The following DMD variants were observed in gnomAD, a reference collection of about 807,000 sequenced individuals.
The protein encoded by DMD is mutant dystrophin.
A neutral mutation model predicts 330.1 loss-of-function variants in DMD; 63 were observed. That is an observed-to-expected ratio of 0.19 (90% CI 0.16 to 0.24). DMD has a LOEUF of 0.24. Ranked by LOEUF, DMD falls within the 10% of genes least tolerant of loss-of-function variation. DMD has a pLI of 1.00. For synonymous variants in DMD, 1,223 were observed against 959.8 expected (o/e 1.27, Z -5.07); for missense variants, 3,344 against 2,684.1 (o/e 1.25, Z -5.43).
At chrX:32,353,449 T>C (rs1032905841) in intron 37 of DMD, among the ~76,000 whole-genome samples, 3 of 111,701 alleles carry the variant, frequency 2.7e-5, no homozygotes, top group Non-Finnish European at 5.7e-5. Context: ...AGAATTATGA[T>C]AAATTGTCTA....
rs181796838 is a variant in DMD at position 33,064,821 on chromosome X, G to A, written c.32-44621C>T. On this transcript the variant is annotated intron_variant, in intron 1 of 78. Coordinates refer to ENST00000357033, the MANE Select transcript of DMD (RefSeq NM_004006.3). ...GGAGAATTGCTTGAACTTCAGAGGC[G>A]GAGGTTGCAGTGAGCCAAGATCGCG... is the stretch of plus-strand genomic sequence containing the variant. 8.6e-3 allele frequency among the ~76,000 whole-genome samples: 956 copies of A among 111,073 alleles called. 14 individuals carry two copies. Among genetic ancestry groups the A allele is most frequent in the African/African-American group, 0.029 (881 of 30,495 alleles).
At chrX:33,103,151 CA>C (rs2148384950) in intron 1 of DMD, among the ~76,000 whole-genome samples, 1 of 111,774 alleles carries the variant, frequency 8.9e-6, no homozygotes, top group African/African-American at 3.2e-5. Flanking sequence ...ATTGGTAAGA[CA>C]TTCTTCTAGC....
At chrX:32,597,840 T>C (rs1414839276) in intron 12 of DMD, among the ~76,000 whole-genome samples, 1 of 112,239 alleles carries the variant, frequency 8.9e-6, no homozygotes, top group Non-Finnish European at 1.9e-5. Context: ...TATTGGGATT[T>C]CTCTGAATAG....
chrX:32,296,322 C>T (rs331326), intron 42 of DMD, among the ~76,000 whole-genome samples: 19,718 of 110,415 alleles, frequency 0.18, 1,506 homozygotes, highest in East Asian at 0.29. Context: ...CCCCAGGAAG[C>T]GGAGGTTGCA....
intron 44 of DMD, among the ~76,000 whole-genome samples, chrX:32,111,216 G>T (rs775380809): frequency 8.9e-6 from 1 of 112,017 alleles, no homozygotes; most frequent in African/African-American, 3.2e-5. Context: ...AAAAAATACA[G>T]TTTTAAAAGA....
chrX:32,911,095 AG>A (rs1464216632), intron 2 of DMD, among the ~76,000 whole-genome samples: 9 of 112,514 alleles, frequency 8.0e-5, no homozygotes, highest in Admixed American at 9.4e-5. Flanking sequence ...TTTATTAGAT[AG>A]GACTTCTCAA....
intron 16 of DMD, among the ~76,000 whole-genome samples, chrX:32,554,563 A>G: frequency 9.2e-6 from 1 of 109,285 alleles, no homozygotes; most frequent in Non-Finnish European, 1.9e-5. Context: ...CTAAGACTGA[A>G]CCATAAAGGA....
intron 63 of DMD, among the ~76,000 whole-genome samples, chrX:31,228,275 T>TAAAAAAAAAAA (rs779738772): frequency 1.2e-5 from 1 of 83,999 alleles, no homozygotes; most frequent in Non-Finnish European, 2.4e-5. Flanking sequence ...AATAAAAAAA[T>TAAAAAAAAAAA]AAAAAAAAAA....
intron 9 of DMD, among the ~76,000 whole-genome samples, chrX:32,667,774 T>A (rs1032723177): frequency 9.3e-6 from 1 of 107,900 alleles, no homozygotes; most frequent in African/African-American, 3.4e-5. Context: ...TGTGTTTTTT[T>A]TTTTTTTTTT....
intron 2 of DMD, among the ~76,000 whole-genome samples, chrX:33,009,795 T>C (rs2093608011): frequency 3.2e-5 from 1 of 30,836 alleles, no homozygotes; most frequent in Non-Finnish European, 6.6e-5. Flanking sequence ...TGTATATGTG[T>C]GTATATGTGT....
At chrX:32,316,771 G>A (rs767142717) in intron 41 of DMD, among the ~76,000 whole-genome samples, 29 of 110,269 alleles carry the variant, frequency 2.6e-4, no homozygotes, top group Non-Finnish European at 5.3e-4. Context: ...ACCAGAAATT[G>A]AATCAAAAGA....
intron 30 of DMD, among the ~76,000 whole-genome samples, chrX:32,402,552 A>G (rs1333551643): frequency 2.7e-5 from 3 of 111,398 alleles, no homozygotes. Flanking sequence ...TTTAAACACA[A>G]CTTTTATACT....
intron 29 of DMD, among the ~76,000 whole-genome samples, chrX:32,432,978 A>C (rs1291346613): frequency 8.9e-6 from 1 of 112,321 alleles, no homozygotes; most frequent in Admixed American, 9.4e-5. Flanking sequence ...CATGTCAGGC[A>C]TAACAACTTA....
intron 9 of DMD, among the ~76,000 whole-genome samples, chrX:32,673,735 G>T (rs945853019): frequency 5.4e-5 from 6 of 111,982 alleles, no homozygotes; most frequent in Non-Finnish European, 9.4e-5. Flanking sequence ...TATACTCAAA[G>T]ATTGGCTATG....
intron 3 of DMD, among the ~76,000 whole-genome samples, chrX:32,846,361 C>T (rs1482545748): frequency 9.0e-6 from 1 of 111,442 alleles, no homozygotes; most frequent in African/African-American, 3.3e-5. Context: ...TGTGCATGCA[C>T]CAAACAAATA....
intron 55 of DMD, among the ~76,000 whole-genome samples, chrX:31,622,332 C>A: frequency 9.0e-6 from 1 of 110,534 alleles, no homozygotes; most frequent in Non-Finnish European, 1.9e-5. Context: ...TACACACACA[C>A]ACAAACCACC....
intron 44 of DMD, among the ~76,000 whole-genome samples, chrX:32,108,511 T>C (rs1459705295): frequency 9.0e-6 from 1 of 111,603 alleles, no homozygotes; most frequent in Non-Finnish European, 1.9e-5. Context: ...AAGAGAAAAG[T>C]GCCTTTTCCT....
At chrX:31,220,877 ATTTTT>A (rs66621875) in intron 64 of DMD, among the ~76,000 whole-genome samples, 1 of 69,461 alleles carries the variant, frequency 1.4e-5, no homozygotes, top group Non-Finnish European at 2.6e-5. Flanking sequence ...TTCCTAAAAC[ATTTTT>A]TTTTTTTTTT....
intron 1 of DMD, among the ~76,000 whole-genome samples, chrX:33,026,328 A>C (rs1464882220): frequency 3.2e-5 from 3 of 92,582 alleles, no homozygotes; most frequent in Non-Finnish European, 6.3e-5. Context: ...AAAAAAAAAA[A>C]AAAAAAAAAA....
Sources: gnomAD v4.1 joint callset for allele counts (sites outside exome capture counted in the v4.1 genomes callset) on GRCh38, gnomAD v4.1.1 for gene constraint, MANE v1.5 for transcripts, NCBI Gene and HGNC (gene_info 2026-07-23, HGNC 2026-07-21) for gene names.